The following ZNF804B variants were observed in gnomAD, a reference collection of about 807,000 sequenced individuals.
ZNF804B encodes zinc finger 804B.
A neutral mutation model predicts 101.4 loss-of-function variants in ZNF804B; 80 were observed. The observed-to-expected ratio is 0.79, with a 90% CI of 0.66 to 0.95. ZNF804B has a LOEUF of 0.95. Ranked by LOEUF, ZNF804B falls within the 40% of genes least tolerant of loss-of-function variation. The pLI is 0.00. For missense variants in ZNF804B, 1,673 were observed against 1,561.9 expected (o/e 1.07, Z -1.20); for synonymous variants, 622 against 558.8 (o/e 1.11, Z -1.59).
intron 1 of ZNF804B, among the ~76,000 whole-genome samples, chr7:89,100,208 G>A (rs1236528971): frequency 6.6e-6 from 1 of 152,098 alleles, no homozygotes; most frequent in Non-Finnish European, 1.5e-5. Flanking sequence ...AACAGACATT[G>A]GGGAAAAGGC....
chr7:89,302,810 A>C (rs1371975289), intron 2 of ZNF804B, among the ~76,000 whole-genome samples: 1 of 151,924 alleles, frequency 6.6e-6, no homozygotes, highest in Non-Finnish European at 1.5e-5. Context: ...AGCTGCATGA[A>C]TATCTTTTCC....
chr7:89,277,760 T>C (rs987462787), intron 2 of ZNF804B, among the ~76,000 whole-genome samples: 1 of 151,868 alleles, frequency 6.6e-6, no homozygotes, highest in East Asian at 1.9e-4. Context: ...TTTTGGACAT[T>C]TGTGTTGGTT....
chr7:88,891,524 G>A (rs1376584946), intron 1 of ZNF804B, among the ~76,000 whole-genome samples: 1 of 151,846 alleles, frequency 6.6e-6, no homozygotes, highest in East Asian at 1.9e-4. Flanking sequence ...TCTTTAACTT[G>A]AAGTATTTAT....
chr7:89,193,644 A>G (rs184782521), intron 1 of ZNF804B, among the ~76,000 whole-genome samples: 54 of 152,136 alleles, frequency 3.5e-4, no homozygotes, highest in African/African-American at 1.3e-3. Flanking sequence ...ACATGAACTC[A>G]TCATTTTTTA....
chr7:89,290,585 C>T (rs1280009791), intron 2 of ZNF804B, among the ~76,000 whole-genome samples: 6 of 152,064 alleles, frequency 3.9e-5, no homozygotes, highest in African/African-American at 1.4e-4. Flanking sequence ...GGCAGTACTC[C>T]CCGGGGGTCT....
chr7:89,307,670 T>C (rs1381806465), intron 2 of ZNF804B, among the ~76,000 whole-genome samples: 2 of 152,070 alleles, frequency 1.3e-5, no homozygotes, highest in Admixed American at 6.6e-5. Flanking sequence ...ATTCAAATAA[T>C]TTTAATTTTA....
At position 89,220,063 on chromosome 7, in the gene ZNF804B, GCA is replaced by G. The variant is rs1355178271; in HGVS notation, c.249+1771_249+1772del. Among the ~76,000 whole-genome samples the G allele has an allele frequency of 4.0e-5, 4 of 100,400 alleles. 1 individual carries two copies. The highest frequency in any genetic ancestry group is 3.0e-4 in the South Asian group (1 of 3,306). The allele number at this position is 100,400 out of a possible 152,430, so 65.9% of individuals were successfully genotyped here. A position where few individuals can be genotyped will look rare whatever the true frequency, so the allele number is the denominator to read the frequency against. On this transcript the variant is annotated intron_variant, in intron 2 of 3. Transcript: ENST00000333190. The stretch of plus-strand genomic sequence containing the variant: ...TATATGTGCATATATACATATATAC[GCA>G]CATATATGTGTATATACATATATAT...
At chr7:88,953,186 C>G (rs954150431) in intron 1 of ZNF804B, among the ~76,000 whole-genome samples, 7 of 151,704 alleles carry the variant, frequency 4.6e-5, no homozygotes, top group East Asian at 2.0e-4. Context: ...CAGTATTCCA[C>G]TCCAAATTTA....
intron 1 of ZNF804B, among the ~76,000 whole-genome samples, chr7:89,016,980 C>T (rs1211922873): frequency 6.6e-5 from 10 of 152,126 alleles, no homozygotes; most frequent in Non-Finnish European, 1.5e-4. Context: ...ATGGAATGTT[C>T]TTTCATTTGT....
At chr7:89,281,406 A>G (rs538813448) in intron 2 of ZNF804B, among the ~76,000 whole-genome samples, 1 of 152,338 alleles carries the variant, frequency 6.6e-6, no homozygotes, top group South Asian at 2.1e-4. Context: ...AGTAGAACCC[A>G]TAAGAAATTA....
intron 2 of ZNF804B, among the ~76,000 whole-genome samples, chr7:89,247,073 T>C (rs187152231): frequency 6.7e-4 from 102 of 152,256 alleles, no homozygotes; most frequent in African/African-American, 2.2e-3. Context: ...CTCTCCTGGA[T>C]TAGGAGTTTA....
intron 1 of ZNF804B, among the ~76,000 whole-genome samples, chr7:88,832,172 A>AG (rs1375375678): frequency 5.9e-5 from 9 of 151,872 alleles, no homozygotes; most frequent in Admixed American, 3.3e-4. Context: ...TCCTGCTCAA[A>AG]AAAAAAAATC....
chr7:89,228,752 T>C (rs1789137142), intron 2 of ZNF804B, among the ~76,000 whole-genome samples: 1 of 152,196 alleles, frequency 6.6e-6, no homozygotes, highest in African/African-American at 2.4e-5. Context: ...CTGCCAGTCC[T>C]GCACCATGCG....
intron 1 of ZNF804B, among the ~76,000 whole-genome samples, chr7:88,876,060 A>G (rs990123575): frequency 6.6e-6 from 1 of 152,094 alleles, no homozygotes; most frequent in Non-Finnish European, 1.5e-5. Context: ...AGACAAATCC[A>G]TGATATTTCT....
chr7:88,848,155 C>T lies in ZNF804B; in HGVS notation c.108+88071C>T, dbSNP rs146828887. Among the ~76,000 whole-genome samples the T allele has an allele frequency of 1.1e-4, 17 of 152,242 alleles. No individual in the cohort carries two copies. In the East Asian group the frequency reaches 1.7e-3, roughly 16 times the overall value. On this transcript the variant is annotated intron_variant, in intron 1 of 3. Transcript: ENST00000333190. ...ACAGGGATGCTGCTATAACATCCTA[C>T]GGTACAAACAGGACATCCTCCACAG...
intron 1 of ZNF804B, among the ~76,000 whole-genome samples, chr7:88,883,098 T>C (rs1031655599): frequency 1.3e-5 from 2 of 152,064 alleles, no homozygotes; most frequent in Non-Finnish European, 2.9e-5. Context: ...AAAAATTCCC[T>C]CTGGGTTAAA....
intron 1 of ZNF804B, among the ~76,000 whole-genome samples, chr7:89,211,217 A>G (rs1337939140): frequency 6.6e-6 from 1 of 150,618 alleles, no homozygotes; most frequent in African/African-American, 2.5e-5. Flanking sequence ...TAATTCGTTT[A>G]AGTTATTTGT....
chr7:88,778,146 CA>C (rs1790173248), intron 1 of ZNF804B, among the ~76,000 whole-genome samples: 1 of 152,098 alleles, frequency 6.6e-6, no homozygotes. Flanking sequence ...GGTATTCTCT[CA>C]AAAGAGAATT....
intron 1 of ZNF804B, among the ~76,000 whole-genome samples, chr7:88,814,221 A>T (rs892963051): frequency 6.6e-6 from 1 of 152,190 alleles, no homozygotes; most frequent in African/African-American, 2.4e-5. Flanking sequence ...ATATACTTTT[A>T]TACATGTTTC....
Sources: gnomAD v4.1 joint callset for allele counts (sites outside exome capture counted in the v4.1 genomes callset) on GRCh38, gnomAD v4.1.1 for gene constraint, MANE v1.5 for transcripts, NCBI Gene and HGNC (gene_info 2026-07-23, HGNC 2026-07-21) for gene names.